Variants in SLC44A1 observed in about 807,000 individuals in gnomAD.
SLC44A1 encodes the protein choline transporter-like protein 1.
In SLC44A1, 26 loss-of-function variants were observed where a neutral mutation model predicts 79.3. The observed-to-expected ratio is 0.33, with a 90% CI of 0.24 to 0.46. The LOEUF (loss-of-function observed/expected upper bound fraction) is 0.46, where lower values mean the gene tolerates loss of function less well. SLC44A1 is among the 20% of genes least tolerant of loss of function. The probability of loss-of-function intolerance (pLI) is 1.00; values close to 1 mark genes in which losing one functional copy is unlikely to be tolerated. For missense variants in SLC44A1, 688 were observed against 798.1 expected (o/e 0.86, Z 1.66); for synonymous variants, 263 against 286.2 (o/e 0.92, Z 0.82).
intron 15 of SLC44A1, among the ~76,000 whole-genome samples, chr9:105,406,730 AG>A (rs1829033920): frequency 6.6e-6 from 1 of 152,314 alleles, no homozygotes. Context: ...TGACAGAGCA[AG>A]ACTTCATCTC....
rs115567125 is a variant in SLC44A1, at chr9:105,276,149, C to G, written c.37-23071C>G. Among the ~76,000 whole-genome samples the G allele has an allele frequency of 5.6e-3, 850 of 152,212 alleles. 10 individuals are homozygous for G. Among genetic ancestry groups the G allele is most frequent in the African/African-American group, 0.018 (766 of 41,516 alleles). On this transcript the variant is annotated intron_variant, in intron 1 of 15. Transcript: ENST00000374720. ...TCACCAGGGCGTCTGACAAGTTGAGCCACTCCAAGCCCTTTAATTCCAAGT... is the reference window on the plus strand; with the variant it reads ...TCACCAGGGCGTCTGACAAGTTGAGGCACTCCAAGCCCTTTAATTCCAAGT...
rs189112063 is a variant in SLC44A1, at chr9:105,256,754, T to C, written c.36+11850T>C. ...ATTTTTGTATTATTTTTATTTTATT[T>C]TATTTTATTTTATTTTATTTTATTT... On this transcript the variant is annotated intron_variant, in intron 1 of 15. Coordinates refer to ENST00000374720, the MANE Select transcript of SLC44A1 (RefSeq NM_080546.5). Among the ~76,000 whole-genome samples the C allele has an allele frequency of 5.5e-3, 761 of 137,140 alleles. 7 individuals carry two copies. Among genetic ancestry groups the C allele is most frequent in the African/African-American group, 0.021 (735 of 34,854 alleles). The allele number at this position is 137,140 out of a possible 152,430, so 90.0% of individuals were successfully genotyped here.
chr9:105,332,322 GT>G lies in SLC44A1; in HGVS notation c.270-3239del, dbSNP rs1351782909. 3.3e-5 allele frequency among the ~76,000 whole-genome samples: 5 copies of G among 152,074 alleles called. No individual in the cohort carries two copies. The East Asian group carries it at 9.7e-4, about 29-fold the overall frequency. On this transcript the variant is annotated intron_variant, in intron 3 of 15. Coordinates refer to ENST00000374720, the MANE Select transcript of SLC44A1 (RefSeq NM_080546.5). ...TTTGGTAGAGATGGGGTTTCACCAT[GT>G]TGTCCAGGCTTGTCTCCAACTCCTG...
chr9:105,287,301 T>A (rs991104100), intron 1 of SLC44A1, among the ~76,000 whole-genome samples: 1 of 152,214 alleles, frequency 6.6e-6, no homozygotes, highest in Non-Finnish European at 1.5e-5. Context: ...AGGTGGAAAA[T>A]TTAAGCTATA....
chr9:105,329,299 G>T, intron 3 of SLC44A1, among the ~76,000 whole-genome samples: 1 of 152,194 alleles, frequency 6.6e-6, no homozygotes, highest in East Asian at 1.9e-4. Flanking sequence ...TAAAGCAGAA[G>T]GTGACAGAGG....
chr9:105,427,982 G>A (rs1829344754), intron 15 of SLC44A1, among the ~76,000 whole-genome samples: 1 of 152,006 alleles, frequency 6.6e-6, no homozygotes, highest in African/African-American at 2.4e-5. Context: ...TTTTGTTATT[G>A]AGATGTCACC....
intron 15 of SLC44A1, chr9:105,438,157 C>T: frequency 1.4e-6 from 1 of 702,758 alleles, no homozygotes; most frequent in Non-Finnish European, 2.4e-6. Flanking sequence ...TGTGTGTAGC[C>T]TTCTTACATT....
intron 1 of SLC44A1, among the ~76,000 whole-genome samples, chr9:105,290,767 C>T (rs1019961405): frequency 3.9e-5 from 6 of 152,218 alleles, no homozygotes; most frequent in Admixed American, 1.3e-4. Context: ...TACAAAGCAG[C>T]TCTAGTTGCC....
intron 4 of SLC44A1, among the ~76,000 whole-genome samples, chr9:105,345,457 T>C (rs1025320544): frequency 1.3e-5 from 2 of 152,180 alleles, no homozygotes; most frequent in South Asian, 4.1e-4. Flanking sequence ...AGGAGTTTAT[T>C]GAATACTTGC....
At chr9:105,371,129 G>C (rs183910299) in intron 12 of SLC44A1, among the ~76,000 whole-genome samples, 1 of 152,324 alleles carries the variant, frequency 6.6e-6, no homozygotes, top group African/African-American at 2.4e-5. Flanking sequence ...TGAAAGATTG[G>C]AAGTTGTGGA....
At chr9:105,370,720 G>T (rs1256128133) in intron 12 of SLC44A1, among the ~76,000 whole-genome samples, 1 of 152,214 alleles carries the variant, frequency 6.6e-6, no homozygotes, top group African/African-American at 2.4e-5. Context: ...AGAGGAGAGA[G>T]AATGGAGACG....
downstream of SLC44A1, among the ~76,000 whole-genome samples, chr9:105,401,193 A>C (rs1828953582): frequency 1.3e-5 from 2 of 152,218 alleles, no homozygotes; most frequent in Non-Finnish European, 2.9e-5. Flanking sequence ...GATTATGGTT[A>C]TCTCTGTTTT....
chr9:105,361,330 A>G lies in SLC44A1; in HGVS notation c.900A>G (p.Thr300=). The change falls in exon 8 of 16, where the codon ACA becomes ACG. Residue 300 remains threonine (T), a splice_region_variant and synonymous_variant. Transcript: ENST00000374720. ...ATGCCATTTCAGCTACAGTGTTCAC[A>G]GTGAGTTTAGGCTTTGGCGTGTCTT... is the stretch of plus-strand genomic sequence containing the variant. ...LIYAISATVF[T]VILFLIMLVM... is the part of the protein sequence containing the mutation. The G allele has an allele frequency of 6.2e-7, 1 of 1,601,866 alleles. No individual in the cohort carries two copies. The highest frequency in any genetic ancestry group is 8.5e-7 in the Non-Finnish European group (1 of 1,175,058).
At chr9:105,351,929 T>G (rs1224014956) in intron 5 of SLC44A1, among the ~76,000 whole-genome samples, 3 of 152,180 alleles carry the variant, frequency 2.0e-5, no homozygotes, top group Non-Finnish European at 4.4e-5. Flanking sequence ...TGTTGTAGTC[T>G]ATACCACAGT....
intron 1 of SLC44A1, among the ~76,000 whole-genome samples, chr9:105,268,824 A>G (rs1428855564): frequency 6.6e-6 from 1 of 152,160 alleles, no homozygotes; most frequent in African/African-American, 2.4e-5. Flanking sequence ...TGGGGTATGC[A>G]AAAAGCAACT....
chr9:105,314,966 A>G (rs1831279660), intron 3 of SLC44A1, among the ~76,000 whole-genome samples: 1 of 152,214 alleles, frequency 6.6e-6, no homozygotes, highest in African/African-American at 2.4e-5. Flanking sequence ...ACAGACCAGC[A>G]CTCAATTCTC....
chr9:105,274,131 T>C (rs192141575), intron 1 of SLC44A1, among the ~76,000 whole-genome samples: 15 of 152,360 alleles, frequency 9.8e-5, no homozygotes, highest in Middle Eastern at 6.8e-3. Context: ...GTTTTGCTTA[T>C]GCTCATTATA....
chr9:105,343,125 A>G (rs111888404), intron 4 of SLC44A1, among the ~76,000 whole-genome samples: 2,003 of 152,196 alleles, frequency 0.013, 47 homozygotes, highest in African/African-American at 0.046. Context: ...TTTATAATAC[A>G]TGTTTTATCT....
At chr9:105,345,869 T>G (rs1827232442) in intron 4 of SLC44A1, among the ~76,000 whole-genome samples, 1 of 152,138 alleles carries the variant, frequency 6.6e-6, no homozygotes, top group African/African-American at 2.4e-5. Context: ...TAAGCTTTTG[T>G]TCTTAGTTTT....
Sources: allele counts gnomAD v4.1 joint callset (sites outside exome capture counted in the v4.1 genomes callset), GRCh38; gene constraint gnomAD v4.1.1; transcripts MANE v1.5; gene names NCBI Gene and HGNC (gene_info 2026-07-23, HGNC 2026-07-21).